PCID2: variants seen among roughly 807,000 people sequenced by gnomAD.
The protein encoded by PCID2 is PCI domain-containing protein 2.
Under a neutral mutation model 61.3 loss-of-function variants are expected in PCID2, and 41 were observed. That is an observed-to-expected ratio of 0.67 (90% CI 0.52 to 0.87). PCID2 has a LOEUF of 0.87. Among genes scored for constraint, PCID2 ranks in the 40% least tolerant of loss-of-function variants. PCID2 has a pLI of 0.00. For synonymous variants in PCID2, 187 were observed against 177.8 expected, an observed-to-expected ratio of 1.05 and a Z score of -0.41; for missense variants, 392 against 493.4, an observed-to-expected ratio of 0.79 and a Z score of 1.95.
chr13:113,181,620 A>C (rs189749834), intron 9 of PCID2, among the ~76,000 whole-genome samples: 18 of 152,372 alleles, frequency 1.2e-4, no homozygotes, highest in African/African-American at 4.1e-4. Context: ...AATACATTTT[A>C]ATCACCCATA....
chr13:113,165,988 T>G, the PCID2 span: 1 of 152,326 alleles, frequency 6.6e-6, no homozygotes, highest in Non-Finnish European at 1.5e-5. Flanking sequence ...TTTTCTTGCT[T>G]TCTGTATATC....
In PCID2 at chr13:113,196,225, A is replaced by G. The variant is rs373418850; in HGVS notation, c.267-3T>C. On this transcript the variant is annotated splice_polypyrimidine_tract_variant and splice_region_variant and intron_variant, in intron 4 of 13. Transcript: ENST00000337344. ...CCTGGAATGCTCGCAAGAATGATGT[A>G]CTGTATTAAGGAAGATATGGCATAC... 2 of 1,599,092 alleles carry G rather than the reference A, an allele frequency of 1.3e-6. No homozygotes were observed. Among genetic ancestry groups the G allele is most frequent in the Non-Finnish European group, 1.7e-6 (2 of 1,168,386 alleles).
intron 1 of PCID2, among the ~76,000 whole-genome samples, chr13:113,201,347 C>T (rs890569258): frequency 2.6e-5 from 4 of 152,066 alleles, no homozygotes; most frequent in Non-Finnish European, 4.4e-5. Flanking sequence ...AGAAAAATTA[C>T]GTACAACATG....
At chr13:113,166,418 G>C in the PCID2 span, 1 of 152,116 alleles carries the variant, frequency 6.6e-6, no homozygotes, top group South Asian at 2.1e-4. Context: ...AGCCTCAGGG[G>C]CCCCCCTTGT....
At position 113,185,503 on chromosome 13, in the gene PCID2, C is replaced by G; in HGVS notation, c.525G>C (p.Leu175=). Residue 175 remains leucine (L), a synonymous_variant, in exon 8 of 14, where the codon CTG becomes CTC. Coordinates refer to ENST00000337344, the MANE Select transcript of PCID2 (RefSeq NM_001127202.4). ...KWGMLFLVNQ[L]FKIYFKINKL... ...AGCACACCTTGAAGTAGATTTTAAA[C>G]AGCTGGTTCACCAGAAACAGCATGC... 6.2e-7 allele frequency: 1 copy of G among 1,612,032 alleles called. No individual in the cohort carries two copies.
chr13:113,203,738 C>G (rs2039599059), intron 1 of PCID2, among the ~76,000 whole-genome samples: 1 of 152,170 alleles, frequency 6.6e-6, no homozygotes, highest in Non-Finnish European at 1.5e-5. Context: ...TGCAATGGAA[C>G]AGCGCCCTCA....
the PCID2 span, chr13:113,171,518 C>A: frequency 6.3e-7 from 1 of 1,594,406 alleles, no homozygotes; most frequent in Non-Finnish European, 8.6e-7. This position sits in a 1 kb window ranked among gnomAD's most constrained non-coding sequence, Gnocchi z 5.1. Context: ...CACGTGGCTC[C>A]CTGAGAAGCT....
In PCID2 at chr13:113,185,538, T is replaced by TA. The variant is rs1566951004; in HGVS notation, c.489dup (p.Lys164Ter). ...ACCAGAAACAGCATGCCCCACTTCT[T>TA]AGAGTCCTCTATACCAGCACGGCTA... On this transcript the variant is annotated frameshift_variant, in exon 8 of 14. Transcript: ENST00000337344. LOFTEE classifies it high-confidence loss of function. 3.1e-6 allele frequency: 5 copies of TA among 1,611,758 alleles called. No individual in the cohort carries two copies. Among genetic ancestry groups the TA allele is most frequent in the Admixed American group, 3.3e-5 (2 of 60,030 alleles).
intron 7 of PCID2, chr13:113,190,618 C>T (rs1595203798): frequency 9.1e-6 from 3 of 329,500 alleles, no homozygotes; most frequent in East Asian, 4.9e-5. Context: ...TGGCACTAGA[C>T]GGAAACTGGT....
Position 113,195,097 on chromosome 13 carries a change from G to T in PCID2, c.337C>A (p.Leu113Ile). Residue 113 changes from leucine (L) to isoleucine (I), a missense_variant, in exon 6 of 14, where the codon CTT becomes ATT. Around this residue, in one of 3 missense-constraint regions of PCID2, gnomAD observed 155 missense variants for 164.9 expected, o/e 0.94. Coordinates refer to ENST00000337344, the MANE Select transcript of PCID2 (RefSeq NM_001127202.4). ...WALPVMYAVA[L>I]DLRVFANNAD... is the part of the protein sequence containing the mutation. ...TTATTGGCAAACACTCGAAGGTCAA[G>T]CGCTACTGCATACATGACAGGCAGA... The T allele has an allele frequency of 6.2e-7, 1 of 1,611,436 alleles. No individual in the cohort carries two copies. The highest frequency in any genetic ancestry group is 8.5e-7 in the Non-Finnish European group (1 of 1,177,488).
intron 1 of PCID2, among the ~76,000 whole-genome samples, chr13:113,205,607 T>C (rs928992544): frequency 6.6e-6 from 1 of 152,170 alleles, no homozygotes; most frequent in Non-Finnish European, 1.5e-5. Flanking sequence ...GTCCATCAAC[T>C]GATGAATGGA....
chr13:113,169,021 G>A, the PCID2 span, among the ~76,000 whole-genome samples: 1 of 152,162 alleles, frequency 6.6e-6, no homozygotes. Context: ...GAGCCACCAT[G>A]CCTGGCCCAT....
chr13:113,184,679 G>A (rs186381007), intron 8 of PCID2, among the ~76,000 whole-genome samples, 192 bp from the exon 9 acceptor site: 15 of 152,366 alleles, frequency 9.8e-5, no homozygotes, highest in African/African-American at 1.4e-4. Context: ...CTGCAAAGCC[G>A]TTCCGGGGGC....
intron 11 of PCID2, 44 bp downstream of exon 11, chr13:113,180,114 C>G: frequency 6.2e-7 from 1 of 1,613,606 alleles, no homozygotes; most frequent in South Asian, 1.1e-5. Context: ...TCTCATCAGG[C>G]TTGCATTTTT....
At chr13:113,204,268 G>C (rs537883279) in intron 1 of PCID2, among the ~76,000 whole-genome samples, 1 of 152,366 alleles carries the variant, frequency 6.6e-6, no homozygotes, top group South Asian at 2.1e-4. Flanking sequence ...ATGTTCTGAT[G>C]TTGCCAAGGC....
chr13:113,198,154 C>G, intron 3 of PCID2, 37 bp downstream of exon 3: 1 of 1,340,530 alleles, frequency 7.5e-7, no homozygotes, highest in Non-Finnish European at 1.0e-6. Context: ...CAGCAATTTC[C>G]AGATGTGTGT....
chr13:113,170,974 G>A, the PCID2 span, among the ~76,000 whole-genome samples: 1 of 151,696 alleles, frequency 6.6e-6, no homozygotes, highest in East Asian at 1.9e-4. Context: ...TCAGGCTGGA[G>A]TGCAGTGGCA....
chr13:113,185,862 CG>C (rs2038063908), intron 7 of PCID2: 1 of 263,286 alleles, frequency 3.8e-6, no homozygotes, highest in South Asian at 6.9e-5. Context: ...AGCAACAATG[CG>C]TAAAAGTTAA....
intron 10 of PCID2, among the ~76,000 whole-genome samples, chr13:113,180,486 A>G (rs909701878): frequency 2.0e-5 from 3 of 152,222 alleles, no homozygotes; most frequent in Admixed American, 6.5e-5. Flanking sequence ...TCGAATTTCT[A>G]TAACAGGAGA....
Sources: gnomAD v4.1 joint callset for allele counts (sites outside exome capture counted in the v4.1 genomes callset) on GRCh38, gnomAD v4.1.1 for gene constraint, gnomAD v4.1.1 regional missense constraint, Gnocchi (gnomAD v3.1) non-coding constraint, MANE v1.5 for transcripts, NCBI Gene and HGNC (gene_info 2026-07-23, HGNC 2026-07-21) for gene names.